SIRPG: variants seen among roughly 807,000 people sequenced by gnomAD.
SIRPG encodes signal regulatory protein gamma.
Under a neutral mutation model 35.7 loss-of-function variants are expected in SIRPG, and 38 were observed. The observed-to-expected ratio is 1.06, with a 90% CI of 0.82 to 1.40. The LOEUF (loss-of-function observed/expected upper bound fraction) is 1.40, where lower values mean the gene tolerates loss of function less well. SIRPG is among the 40% of genes most tolerant of loss of function. The pLI, the probability that SIRPG is intolerant of heterozygous loss-of-function variation, is 0.00. For synonymous variants in SIRPG, 215 were observed against 190.4 expected, an observed-to-expected ratio of 1.13 and a Z score of -1.06; for missense variants, 519 against 483.0, an observed-to-expected ratio of 1.07 and a Z score of -0.70.
intron 2 of SIRPG, among the ~76,000 whole-genome samples, chr20:1,639,199 G>A (rs878915061): frequency 6.6e-6 from 1 of 152,042 alleles, no homozygotes; most frequent in Admixed American, 6.5e-5. Flanking sequence ...TCACCACACT[G>A]TCTTCCACAA....
chr20:1,649,811 AT>A (rs149155079), intron 1 of SIRPG, among the ~76,000 whole-genome samples: 3,327 of 149,748 alleles, frequency 0.022, 141 homozygotes, highest in African/African-American at 0.077. Context: ...TAAGCTTTGT[AT>A]TTTTGCAGAA....
the SIRPG span, among the ~76,000 whole-genome samples, chr20:1,675,560 G>A: frequency 3.4e-4 from 52 of 152,246 alleles, 1 homozygote; most frequent in Middle Eastern, 3.4e-3. Context: ...GCAGAGACAG[G>A]GGCTGTGAGT....
the SIRPG span, among the ~76,000 whole-genome samples, chr20:1,667,901 C>G: frequency 6.6e-6 from 1 of 152,182 alleles, no homozygotes; most frequent in South Asian, 2.1e-4. Flanking sequence ...AATGCCAATG[C>G]TGAGTCTTAT....
upstream of SIRPG, among the ~76,000 whole-genome samples, chr20:1,659,840 G>C (rs1217394438): frequency 6.6e-6 from 1 of 152,208 alleles, no homozygotes; most frequent in Non-Finnish European, 1.5e-5. Context: ...GCTGGGGCAG[G>C]TGCCATGCTC....
intron 4 of SIRPG, 111 bp downstream of exon 4, chr20:1,635,156 T>A: frequency 1.1e-6 from 1 of 874,124 alleles, no homozygotes; most frequent in South Asian, 1.9e-5. Context: ...GGAGCTGACA[T>A]TAAAATTTTA....
At chr20:1,641,579 G>C (rs1466283600) in intron 2 of SIRPG, among the ~76,000 whole-genome samples, 1 of 151,948 alleles carries the variant, frequency 6.6e-6, no homozygotes, top group Non-Finnish European at 1.5e-5. Context: ...TTTTTTGAAG[G>C]GTTTTTTGTG....
rs1260701690 is a variant in SIRPG, at chr20:1,629,222, C to T, written c.*417G>A. ...TTTGTATTCAAGAGGCAATAGAGAA[C>T]CTCAACAAGGCTGGGGAGTTGGGAT... On this transcript the variant is annotated 3_prime_UTR_variant, in exon 6 of 6. Coordinates refer to ENST00000303415, the MANE Select transcript of SIRPG (RefSeq NM_018556.4). The T allele has an allele frequency of 1.3e-5, 2 of 152,236 alleles. No homozygotes were observed. Among genetic ancestry groups the T allele is most frequent in the African/African-American group, 2.4e-5 (1 of 41,400 alleles). 9.4% of individuals were successfully genotyped at this position (152,236 alleles called of 1,614,324 possible).
At chr20:1,638,225 G>A (rs2091820142) in intron 2 of SIRPG, among the ~76,000 whole-genome samples, 5 of 152,176 alleles carry the variant, frequency 3.3e-5, no homozygotes, top group Admixed American at 2.6e-4. Flanking sequence ...TATAGGACCA[G>A]GGTCTGAGGG....
rs1019515190 is a variant in SIRPG at position 1,629,317 on chromosome 20, A to AT, written c.*321_*322insA. 6.6e-6 allele frequency: 1 copy of AT among 152,276 alleles called. No individual in the cohort carries two copies. Among genetic ancestry groups the AT allele is most frequent in the African/African-American group, 2.4e-5 (1 of 41,426 alleles). 9.4% of individuals were successfully genotyped at this position (152,276 alleles called of 1,614,324 possible). ...GCGTCTGTGGTTTACGGTCAGTCTCAAGGCGATGGATGGGAGTCCTGGTGT... is the reference window on the plus strand; with the variant it reads ...GCGTCTGTGGTTTACGGTCAGTCTCATAGGCGATGGATGGGAGTCCTGGTGT... On this transcript the variant is annotated 3_prime_UTR_variant, in exon 6 of 6. Transcript: ENST00000303415.
chr20:1,632,679 A>G (rs1234308690), intron 4 of SIRPG, among the ~76,000 whole-genome samples: 1 of 152,118 alleles, frequency 6.6e-6, no homozygotes, highest in Non-Finnish European at 1.5e-5. Context: ...TGGGAGAGGA[A>G]GAAGGGAGAC....
rs199826033 is a variant in SIRPG, at chr20:1,630,257, G to A, written c.1131C>T (p.Gly377=). The change falls in exon 5 of 6, where the codon GGC becomes GGT. Residue 377 remains glycine, a synonymous_variant. Coordinates refer to ENST00000303415, the MANE Select transcript of SIRPG (RefSeq NM_018556.4). ...TCTGCTTCCAGGGGACGTAGATGGG[G>A]CCCAGGAGGACAGCTATGAGGAGCA... ...TALLLIAVLL[G]PIYVPWKQKT 1.9e-6 allele frequency: 3 copies of A among 1,574,860 alleles called. No homozygotes were observed. The highest frequency in any genetic ancestry group is 4.6e-5 in the East Asian group (2 of 43,122).
At chr20:1,661,951 A>G (rs943007023), upstream of SIRPG, among the ~76,000 whole-genome samples, 1 of 152,164 alleles carries the variant, frequency 6.6e-6, no homozygotes, top group Admixed American at 6.5e-5. Flanking sequence ...CTGAGCTTGC[A>G]ATTTCAGAGA....
chr20:1,668,582 T>C, the SIRPG span, among the ~76,000 whole-genome samples: 1 of 152,122 alleles, frequency 6.6e-6, no homozygotes, highest in Non-Finnish European at 1.5e-5. Context: ...GCACCCAGCC[T>C]TTCACAGGAA....
chr20:1,634,915 C>T (rs973465375), intron 4 of SIRPG, among the ~76,000 whole-genome samples: 25 of 151,598 alleles, frequency 1.6e-4, no homozygotes, highest in Non-Finnish European at 2.2e-4. Context: ...TGGTGGCGGG[C>T]GCCTGTAGTC....
chr20:1,654,769 A>C (rs2091964760), intron 1 of SIRPG, among the ~76,000 whole-genome samples: 1 of 152,210 alleles, frequency 6.6e-6, no homozygotes, highest in African/African-American at 2.4e-5. Flanking sequence ...GGAAGAAAAC[A>C]TTTGCAAACC....
chr20:1,680,733 G>A, the SIRPG span, among the ~76,000 whole-genome samples: 1 of 152,144 alleles, frequency 6.6e-6, no homozygotes, highest in Admixed American at 6.6e-5. Context: ...ATGCAGAAAA[G>A]CCTTTGACAA....
At chr20:1,661,238 C>T (rs974536406), upstream of SIRPG, among the ~76,000 whole-genome samples, 7 of 152,072 alleles carry the variant, frequency 4.6e-5, no homozygotes, top group Non-Finnish European at 5.9e-5. Context: ...TGGAGTACGA[C>T]GATGATGAGC....
intron 5 of SIRPG, 45 bp downstream of exon 5, chr20:1,630,177 C>T: frequency 6.9e-7 from 1 of 1,447,968 alleles, no homozygotes. Flanking sequence ...TTGGCCTTGC[C>T]CTTCTGAGAC....
chr20:1,634,668 C>A (rs1333482622), intron 4 of SIRPG, among the ~76,000 whole-genome samples: 1 of 152,056 alleles, frequency 6.6e-6, no homozygotes, highest in Non-Finnish European at 1.5e-5. Flanking sequence ...GAAACGGGCA[C>A]AACAACTCTC....
Sources: gnomAD v4.1 joint callset for allele counts (sites outside exome capture counted in the v4.1 genomes callset) on GRCh38, gnomAD v4.1.1 for gene constraint, MANE v1.5 for transcripts, NCBI Gene and HGNC (gene_info 2026-07-23, HGNC 2026-07-21) for gene names.